The following ZNF292 variants were observed in gnomAD, a reference collection of about 807,000 sequenced individuals.
ZNF292 encodes zinc finger protein 292, also known as 16 zinc-finger domain protein.
ZNF292 carries 26 observed loss-of-function variants against 217.9 expected under a neutral mutation model. That is an observed-to-expected ratio of 0.12 (90% CI 0.09 to 0.17). ZNF292 has a LOEUF of 0.17. ZNF292 is among the 10% of genes least tolerant of loss of function. The probability of loss-of-function intolerance (pLI) is 1.00; values close to 1 mark genes in which losing one functional copy is unlikely to be tolerated. For missense variants in ZNF292, 2,904 were observed against 3,175.2 expected (o/e 0.91, Z 2.05); for synonymous variants, 1,257 against 1,124.1 (o/e 1.12, Z -2.37).
At chr6:87,228,153 T>C (rs562828924) in intron 4 of ZNF292, among the ~76,000 whole-genome samples, 4 of 152,324 alleles carry the variant, frequency 2.6e-5, no homozygotes, top group South Asian at 2.1e-4. Flanking sequence ...TGAGGTGATA[T>C]CTCATTGTGA....
intron 7 of ZNF292, among the ~76,000 whole-genome samples, chr6:87,252,445 C>A (rs1173038679): frequency 6.6e-6 from 1 of 152,162 alleles, no homozygotes; most frequent in South Asian, 2.1e-4. Flanking sequence ...TGAGCCACCA[C>A]ACCAGGCCTC....
rs1400533429 is a variant in ZNF292 at position 87,256,673 on chromosome 6, A to T, written c.3044A>T (p.Asp1015Val). The T allele has an allele frequency of 6.2e-7, 1 of 1,613,430 alleles. No homozygotes were observed. The highest frequency in any genetic ancestry group is 8.5e-7 in the Non-Finnish European group (1 of 1,179,824). Residue 1015 changes from aspartate (D) to valine (V), a missense_variant, in exon 8 of 8, where the codon GAC becomes GTC. Physicochemically the swap from Asp to Val is radical, Grantham distance 152. Coordinates refer to ENST00000369577, the MANE Select transcript of ZNF292 (RefSeq NM_015021.3). The stretch of plus-strand genomic sequence containing the variant: ...AATTCAGAAACTCTCAAAATAGGTG[A>T]CCTTACCCCACAAAACTTAGAAAGA... ...LVNSETLKIG[D>V]LTPQNLERQV...
At chr6:87,163,932 G>C (rs889843174) in intron 1 of ZNF292, among the ~76,000 whole-genome samples, 1 of 152,146 alleles carries the variant, frequency 6.6e-6, no homozygotes, top group African/African-American at 2.4e-5. Context: ...GATTAATCTT[G>C]TAAGTGTAGA....
At chr6:87,217,213 A>G (rs1218705461) in intron 3 of ZNF292, among the ~76,000 whole-genome samples, 3 of 152,092 alleles carry the variant, frequency 2.0e-5, no homozygotes, top group African/African-American at 7.2e-5. Context: ...GAAGCATGTA[A>G]AATAAGCTAT....
At chr6:87,173,051 A>G (rs907409798) in intron 1 of ZNF292, among the ~76,000 whole-genome samples, 3 of 152,146 alleles carry the variant, frequency 2.0e-5, no homozygotes, top group African/African-American at 7.2e-5. Context: ...TAGTCTTAAG[A>G]TTATAGGAAT....
chr6:87,235,720 G>C (rs1309279667), intron 5 of ZNF292, among the ~76,000 whole-genome samples: 3 of 152,002 alleles, frequency 2.0e-5, no homozygotes, highest in African/African-American at 7.3e-5. Flanking sequence ...GAAGACCCTG[G>C]GTACTTCCAG....
chr6:87,201,328 C>T (rs1046179690), intron 1 of ZNF292, among the ~76,000 whole-genome samples: 41 of 152,064 alleles, frequency 2.7e-4, no homozygotes, highest in African/African-American at 9.2e-4. Flanking sequence ...TGTGTATTTT[C>T]TGTCTTAAGA....
At chr6:87,184,374 T>A (rs911654503) in intron 1 of ZNF292, among the ~76,000 whole-genome samples, 5 of 152,188 alleles carry the variant, frequency 3.3e-5, no homozygotes, top group African/African-American at 1.2e-4. Context: ...CCATTGCAAT[T>A]AAGTATTTTT....
At chr6:87,159,453 C>T (rs574711357) in intron 1 of ZNF292, among the ~76,000 whole-genome samples, 1 of 148,886 alleles carries the variant, frequency 6.7e-6, no homozygotes, top group South Asian at 2.1e-4. Flanking sequence ...ACCTCAAACT[C>T]TTAGGCTCAA....
rs1775654593 is a variant in ZNF292, at chr6:87,262,451, T to A, written c.*650T>A. ...GCTTTGTAAATTTGCCATCCAGGAT[T>A]TTGGGGTGGTATTCATGTGAAATTA... On this transcript the variant is annotated 3_prime_UTR_variant, in exon 8 of 8. Transcript: ENST00000369577. 1 of 151,974 alleles carries A rather than the reference T, an allele frequency of 6.6e-6. No individual in the cohort carries two copies. The highest frequency in any genetic ancestry group is 6.6e-5 in the Admixed American group (1 of 15,256). 9.4% of individuals were successfully genotyped at this position (151,974 alleles called of 1,614,324 possible).
chr6:87,253,833 GCTAT>G (rs1562179039), intron 7 of ZNF292, among the ~76,000 whole-genome samples: 1 of 152,190 alleles, frequency 6.6e-6, no homozygotes, highest in Non-Finnish European at 1.5e-5. Context: ...ACATCCTGTG[GCTAT>G]CTTATTTCTC....
intron 1 of ZNF292, among the ~76,000 whole-genome samples, chr6:87,197,178 A>G (rs1582407210): frequency 6.6e-6 from 1 of 152,212 alleles, no homozygotes; most frequent in Non-Finnish European, 1.5e-5. Flanking sequence ...GGCACTCTCA[A>G]ACTTTGGTGG....
Position 87,260,280 on chromosome 6 carries a change from A to T in ZNF292, c.6651A>T (p.Pro2217=). ...MTASVDVGKF[P]CDQLECKSSF... ...CTTCAGTGGATGTTGGGAAGTTTCCATGTGACCAGTTAGAGTGTAAATCTT... is the reference window on the plus strand; with the variant it reads ...CTTCAGTGGATGTTGGGAAGTTTCCTTGTGACCAGTTAGAGTGTAAATCTT... Residue 2217 remains proline (P), a synonymous_variant, in exon 8 of 8, where the codon CCA becomes CCT. Coordinates refer to ENST00000369577, the MANE Select transcript of ZNF292 (RefSeq NM_015021.3). 2 of 1,613,706 alleles carry T rather than the reference A, an allele frequency of 1.2e-6. No individual in the cohort carries two copies. The highest frequency in any genetic ancestry group is 1.7e-6 in the Non-Finnish European group (2 of 1,179,662).
intron 1 of ZNF292, chr6:87,173,336 A>G (rs903070369): frequency 6.6e-6 from 1 of 152,272 alleles, no homozygotes; most frequent in Non-Finnish European, 1.5e-5. Flanking sequence ...AAACTGAATC[A>G]TATTTAAAAC....
At chr6:87,214,507 G>T (rs1433252193) in intron 1 of ZNF292, among the ~76,000 whole-genome samples, 1 of 152,124 alleles carries the variant, frequency 6.6e-6, no homozygotes, top group African/African-American at 2.4e-5. Context: ...GGGAAAGATT[G>T]CAGTGTTTTT....
At chr6:87,156,613 A>G (rs1010893045) in intron 1 of ZNF292, among the ~76,000 whole-genome samples, 4 of 151,990 alleles carry the variant, frequency 2.6e-5, no homozygotes, top group Non-Finnish European at 5.9e-5. Flanking sequence ...AGTCCTTCCT[A>G]TTTGGCTTCC....
chr6:87,237,734 T>G (rs1254517062), intron 5 of ZNF292, among the ~76,000 whole-genome samples: 1 of 152,254 alleles, frequency 6.6e-6, no homozygotes, highest in East Asian at 1.9e-4. Context: ...CAGCATAATG[T>G]GTCTTTAGCA....
chr6:87,242,069 TTAA>T (rs1274620680), intron 5 of ZNF292, among the ~76,000 whole-genome samples: 1 of 152,226 alleles, frequency 6.6e-6, no homozygotes, highest in Non-Finnish European at 1.5e-5. Flanking sequence ...AAAGTTACGA[TTAA>T]TAATATATAT....
At chr6:87,237,526 G>A (rs966356674) in intron 5 of ZNF292, among the ~76,000 whole-genome samples, 2 of 152,222 alleles carry the variant, frequency 1.3e-5, no homozygotes, top group African/African-American at 4.8e-5. Flanking sequence ...ACACACGTGA[G>A]CCACCGCACC....
Sources: gnomAD v4.1 joint callset for allele counts (sites outside exome capture counted in the v4.1 genomes callset) on GRCh38, gnomAD v4.1.1 for gene constraint, MANE v1.5 for transcripts, NCBI Gene and HGNC (gene_info 2026-07-23, HGNC 2026-07-21) for gene names.